The following IFIH1 variants were observed in gnomAD, a reference collection of about 807,000 sequenced individuals.
IFIH1 encodes the protein interferon-induced helicase C domain-containing protein 1.
A neutral mutation model predicts 107.4 loss-of-function variants in IFIH1; 125 were observed. The observed-to-expected ratio is 1.16, with a 90% CI of 1.01 to 1.35. The LOEUF is 1.35. Among genes scored for constraint, IFIH1 ranks in the 40% most tolerant of loss-of-function variants. The pLI, the probability that IFIH1 is intolerant of heterozygous loss-of-function variation, is 0.00. For missense variants in IFIH1, 1,333 were observed against 1,213.7 expected (o/e 1.10, Z -1.46); for synonymous variants, 458 against 413.2 (o/e 1.11, Z -1.31).
In IFIH1 at chr2:162,290,366, G is replaced by A. The variant is rs78039127; in HGVS notation, c.875-2011C>T. Among the ~76,000 whole-genome samples, 228 of 151,672 alleles carry A rather than the reference G, an allele frequency of 1.5e-3. 2 individuals are homozygous for A. The highest frequency in any genetic ancestry group is 5.2e-3 in the African/African-American group (214 of 41,420). On this transcript the variant is annotated intron_variant, in intron 4 of 15. Coordinates refer to ENST00000649979, the MANE Select transcript of IFIH1 (RefSeq NM_022168.4). ...TAGCAATTTCCTAAGTCTCTTTCCC[G>A]AGAATCCAGAACCAAATCAAATGAG...
rs533869772 is a variant in IFIH1 at position 162,311,351 on chromosome 2, T to C, written c.454-418A>G. The stretch of plus-strand genomic sequence containing the variant: ...TCTAGGGCTGGCTATATTTTTTCAA[T>C]CTATGGAGTCTGTAAATGGGAAATC... On this transcript the variant is annotated intron_variant, in intron 1 of 15. Transcript: ENST00000649979. 1.4e-4 allele frequency among the ~76,000 whole-genome samples: 22 copies of C among 152,256 alleles called. No individual in the cohort carries two copies. In the South Asian group the frequency reaches 4.6e-3, roughly 32 times the overall value.
intron 6 of IFIH1, 58 bp downstream of exon 6, chr2:162,282,308 C>A (rs1388390972): frequency 3.7e-6 from 4 of 1,084,712 alleles, no homozygotes; most frequent in African/African-American, 1.6e-5. Context: ...CAAATACAGC[C>A]TTTGTTATCA....
chr2:162,301,343 A>G (rs886875674), intron 3 of IFIH1, among the ~76,000 whole-genome samples: 2 of 152,162 alleles, frequency 1.3e-5, no homozygotes, highest in Non-Finnish European at 2.9e-5. Context: ...TGAAACAGTG[A>G]AATTCCATTG....
At chr2:162,283,750 C>T (rs951137921) in intron 5 of IFIH1, among the ~76,000 whole-genome samples, 1 of 151,890 alleles carries the variant, frequency 6.6e-6, no homozygotes, top group African/African-American at 2.4e-5. Flanking sequence ...GAACAGCTAC[C>T]TTATGAAGAA....
At chr2:162,316,993 T>G (rs1683499932) in intron 1 of IFIH1, among the ~76,000 whole-genome samples, 1 of 151,188 alleles carries the variant, frequency 6.6e-6, no homozygotes, top group Non-Finnish European at 1.5e-5. Flanking sequence ...CAAAGAATGT[T>G]GAAACTTTGA....
rs758206522 is a variant in IFIH1, at chr2:162,273,957, T to C, written c.2305-13A>G. The stretch of plus-strand genomic sequence containing the variant: ...CTTTTTGTTCATTCTGTAGAAACAT[T>C]TTAATAAATTAAATTTTGTGATGCT... On this transcript the variant is annotated splice_polypyrimidine_tract_variant and intron_variant, in intron 11 of 15. Coordinates refer to ENST00000649979, the MANE Select transcript of IFIH1 (RefSeq NM_022168.4). 5 of 1,546,888 alleles carry C rather than the reference T, an allele frequency of 3.2e-6. No homozygotes were observed. The African/African-American group carries it at 5.5e-5, about 17-fold the overall frequency.
Position 162,318,307 on chromosome 2 carries a change from TC to T in IFIH1, c.-1del. ...TCGTCTGTGGAATACCCATTCGACA[TC>T]TTTCTTTCTCAGAGAAGGGAGAGGG... On this transcript the variant is annotated 5_prime_UTR_variant, in exon 1 of 16. Coordinates refer to ENST00000649979, the MANE Select transcript of IFIH1 (RefSeq NM_022168.4). 5.0e-6 allele frequency: 8 copies of T among 1,608,394 alleles called. No individual in the cohort carries two copies. Among genetic ancestry groups the T allele is most frequent in the Non-Finnish European group, 6.8e-6 (8 of 1,175,576 alleles).
chr2:162,274,103 A>G (rs1217223444), intron 11 of IFIH1, among the ~76,000 whole-genome samples, 159 bp from the exon 12 acceptor site: 1 of 152,234 alleles, frequency 6.6e-6, no homozygotes, highest in African/African-American at 2.4e-5. Context: ...GAACAAAGAC[A>G]TAATGGTGAG....
chr2:162,295,264 C>T (rs1683066193), intron 3 of IFIH1, among the ~76,000 whole-genome samples: 1 of 152,022 alleles, frequency 6.6e-6, no homozygotes, highest in South Asian at 2.1e-4. Context: ...AATAGTTTTT[C>T]CTTTTCCAGG....
intron 5 of IFIH1, among the ~76,000 whole-genome samples, chr2:162,282,800 CAT>C (rs2105203611): frequency 6.6e-6 from 1 of 151,992 alleles, no homozygotes; most frequent in South Asian, 2.1e-4. Flanking sequence ...AGATATTTAA[CAT>C]ATGGTTGACA....
Position 162,277,478 on chromosome 2 carries a change from C to A in IFIH1, c.1981G>T (p.Asp661Tyr). 1.9e-6 allele frequency: 3 copies of A among 1,605,760 alleles called. No individual in the cohort carries two copies. The highest frequency in any genetic ancestry group is 2.6e-6 in the Non-Finnish European group (3 of 1,173,518). ...AGTTTCAAAGGTTTCTTTAAATCAT[C>A]CTCATCTTCATCACCATCACAATAC... ...DEYCDGDEDE[D>Y]DLKKPLKLDE... The change falls in exon 10 of 16, where the codon GAT (aspartate) becomes TAT (tyrosine). Residue 661 changes from aspartate (D) to tyrosine (Y), a missense_variant. Coordinates refer to ENST00000649979, the MANE Select transcript of IFIH1 (RefSeq NM_022168.4).
Position 162,276,548 on chromosome 2 carries a change from T to C in IFIH1, c.2304+139A>G, listed in dbSNP as rs1378639637. On this transcript the variant is annotated intron_variant, in intron 11 of 15. Coordinates refer to ENST00000649979, the MANE Select transcript of IFIH1 (RefSeq NM_022168.4). Reference sequence around the variant, plus strand: ...TGAGCCTAGGAGGTCAAGGGTGCAGTGAATCTTGATCATGCCACTGCTCTT... The same window carrying C: ...TGAGCCTAGGAGGTCAAGGGTGCAGCGAATCTTGATCATGCCACTGCTCTT... The C allele has an allele frequency of 4.4e-6, 4 of 919,452 alleles. No individual in the cohort carries two copies. In the East Asian group the frequency reaches 8.0e-5, roughly 18 times the overall value. 57.0% of individuals were successfully genotyped at this position (919,452 alleles called of 1,614,324 possible).
intron 7 of IFIH1, among the ~76,000 whole-genome samples, chr2:162,280,421 T>G (rs944547357): frequency 4.6e-5 from 7 of 152,092 alleles, no homozygotes; most frequent in Admixed American, 6.6e-5. Flanking sequence ...AATTCCATTT[T>G]CCAAGTGGAA....
intron 1 of IFIH1, among the ~76,000 whole-genome samples, chr2:162,317,305 C>T (rs1416791128): frequency 1.3e-5 from 2 of 152,094 alleles, no homozygotes; most frequent in Admixed American, 6.5e-5. Context: ...CCATTCTTAG[C>T]CTGTGGGCCT....
chr2:162,306,628 C>G, intron 3 of IFIH1, 81 bp downstream of exon 3: 1 of 973,774 alleles, frequency 1.0e-6, no homozygotes, highest in Non-Finnish European at 1.5e-6. Flanking sequence ...ACATTTTCTC[C>G]CTCTGATTAA....
At chr2:162,287,465 C>A (rs941089533) in intron 5 of IFIH1, among the ~76,000 whole-genome samples, 2 of 151,628 alleles carry the variant, frequency 1.3e-5, no homozygotes, top group African/African-American at 4.8e-5. Flanking sequence ...TACGGTGAAG[C>A]AGACATATTT....
chr2:162,277,360 G>C, intron 10 of IFIH1, 55 bp downstream of exon 10: 1 of 1,246,310 alleles, frequency 8.0e-7, no homozygotes, highest in Non-Finnish European at 1.1e-6. Flanking sequence ...GAAGCAGTAA[G>C]TTCATGTTGA....
intron 3 of IFIH1, among the ~76,000 whole-genome samples, chr2:162,298,318 G>C (rs1576233643): frequency 3.3e-5 from 5 of 152,222 alleles, no homozygotes; most frequent in Admixed American, 3.3e-4. Flanking sequence ...GCTTCAGTCT[G>C]CCACACACTA....
intron 8 of IFIH1, 60 bp downstream of exon 8, chr2:162,279,936 G>C: frequency 1.1e-6 from 1 of 915,868 alleles, no homozygotes; most frequent in Non-Finnish European, 1.8e-6. Context: ...AATAGCCTTT[G>C]CCATCTTTCT....
Sources: allele counts gnomAD v4.1 joint callset (sites outside exome capture counted in the v4.1 genomes callset), GRCh38; gene constraint gnomAD v4.1.1; transcripts MANE v1.5; gene names NCBI Gene and HGNC (gene_info 2026-07-23, HGNC 2026-07-21).